FER: variants seen among roughly 807,000 people sequenced by gnomAD.
FER encodes the protein FER tyrosine kinase.
FER carries 63 observed loss-of-function variants against 111.0 expected under a neutral mutation model. The ratio of observed to expected loss-of-function variants is 0.57; its 90% CI spans 0.46 to 0.70. The LOEUF is 0.70. Among genes scored for constraint, FER ranks in the 30% least tolerant of loss-of-function variants. The pLI, the probability that FER is intolerant of heterozygous loss-of-function variation, is 0.00. For synonymous variants in FER, 327 were observed against 313.9 expected (o/e 1.04, Z -0.44); for missense variants, 914 against 954.0 (o/e 0.96, Z 0.55).
Position 108,769,208 on chromosome 5 carries a change from A to T in FER, c.-60+970A>T, listed in dbSNP as rs77065159. 2.8e-3 allele frequency among the ~76,000 whole-genome samples: 425 copies of T among 152,342 alleles called. 5 individuals are homozygous for T. Among genetic ancestry groups the T allele is most frequent in the Middle Eastern group, 0.024 (7 of 294 alleles). On this transcript the variant is annotated intron_variant, in intron 2 of 19. Coordinates refer to ENST00000281092, the MANE Select transcript of FER (RefSeq NM_005246.4). The stretch of plus-strand genomic sequence containing the variant: ...TGGAATCTACTTTAGATAGGGTCAT[A>T]TAAGGCTCCTCTGAGGGGCTGTAAT...
chr5:108,887,755 T>C (rs903597533), intron 9 of FER, among the ~76,000 whole-genome samples: 1 of 151,788 alleles, frequency 6.6e-6, no homozygotes, highest in East Asian at 1.9e-4. Context: ...CTAAAGTCTC[T>C]TTATTCAAAT....
At position 109,147,598 on chromosome 5, in the gene FER, G is replaced by A. The variant is rs1045184954; in HGVS notation, c.2049-33149G>A. Among the ~76,000 whole-genome samples the A allele has an allele frequency of 5.3e-5, 8 of 151,934 alleles. No homozygotes were observed. In the East Asian group the frequency reaches 1.5e-3, roughly 29 times the overall value. ...GTATGCCCATTTGTAGAATACAAAT[G>A]CTGCCATTATAAATCCTGTGCCATA... On this transcript the variant is annotated intron_variant, in intron 17 of 19. Transcript: ENST00000281092.
At chr5:108,827,619 T>G (rs1235539416) in intron 3 of FER, among the ~76,000 whole-genome samples, 1 of 152,116 alleles carries the variant, frequency 6.6e-6, no homozygotes, top group African/African-American at 2.4e-5. Flanking sequence ...TTATATTATT[T>G]GAATATAGTG....
chr5:109,002,051 G>A (rs186878164), intron 13 of FER, among the ~76,000 whole-genome samples: 16,957 of 150,904 alleles, frequency 0.11, 997 homozygotes, highest in Middle Eastern at 0.15. Flanking sequence ...TACTGCCCAA[G>A]GTAATTTATA....
chr5:108,884,484 T>G (rs1027641769), intron 9 of FER, among the ~76,000 whole-genome samples: 6 of 151,834 alleles, frequency 4.0e-5, no homozygotes, highest in African/African-American at 1.2e-4. Flanking sequence ...GGAACAGTTC[T>G]TTGTCCTAAG....
chr5:109,019,069 A>G (rs1169837258), intron 13 of FER, among the ~76,000 whole-genome samples: 1 of 151,424 alleles, frequency 6.6e-6, no homozygotes, highest in Admixed American at 6.6e-5. Context: ...GCACAAGTGT[A>G]ATATTTTTTT....
intron 2 of FER, among the ~76,000 whole-genome samples, chr5:108,785,769 G>T (rs1022857114): frequency 1.3e-5 from 2 of 152,204 alleles, no homozygotes; most frequent in African/African-American, 4.8e-5. Flanking sequence ...TGCATGGGCT[G>T]CCTTCTGCCC....
In FER at chr5:109,037,411, C is replaced by T. The variant is rs770210375; in HGVS notation, c.1657-11C>T. Reference sequence around the variant, plus strand: ...CTTGTACTAAACAACTGTTCTTATTCTTTGCTGTAGGACAAGAAATGGATT... The same window carrying T: ...CTTGTACTAAACAACTGTTCTTATTTTTTGCTGTAGGACAAGAAATGGATT... On this transcript the variant is annotated splice_polypyrimidine_tract_variant and intron_variant, in intron 13 of 19. Transcript: ENST00000281092. The T allele has an allele frequency of 9.9e-6, 16 of 1,609,554 alleles. No homozygotes were observed. The East Asian group carries it at 1.6e-4, about 16-fold the overall frequency.
At chr5:108,891,660 T>G (rs1004189206) in intron 9 of FER, 11 of 151,220 alleles carry the variant, frequency 7.3e-5, no homozygotes, top group African/African-American at 1.9e-4. Context: ...TTGTTTGTTT[T>G]TTTTTTCTTT....
intron 12 of FER, among the ~76,000 whole-genome samples, chr5:108,957,297 A>G (rs997885458): frequency 1.3e-5 from 2 of 151,654 alleles, no homozygotes; most frequent in Admixed American, 1.3e-4. Flanking sequence ...TACAAAGTAT[A>G]AATAGACATT....
At chr5:109,000,438 A>G (rs1764598075) in intron 13 of FER, among the ~76,000 whole-genome samples, 1 of 152,102 alleles carries the variant, frequency 6.6e-6, no homozygotes, top group Non-Finnish European at 1.5e-5. Context: ...ATCGCTAAAG[A>G]TGTTCTTTGA....
chr5:109,036,224 C>T (rs1041636434), intron 13 of FER, among the ~76,000 whole-genome samples: 67 of 151,842 alleles, frequency 4.4e-4, no homozygotes, highest in African/African-American at 1.6e-3. Flanking sequence ...CTTCACTTAC[C>T]CACTTGATCA....
chr5:108,924,727 T>G, intron 10 of FER: 1 of 1,232,108 alleles, frequency 8.1e-7, no homozygotes, highest in Non-Finnish European at 1.0e-6. Context: ...CTCCCAATCC[T>G]GTAAAACATG....
chr5:109,006,251 C>G (rs1765478443), intron 13 of FER, among the ~76,000 whole-genome samples: 1 of 152,142 alleles, frequency 6.6e-6, no homozygotes, highest in Non-Finnish European at 1.5e-5. Context: ...TTATATTGAG[C>G]TACTTGAATT....
At chr5:109,048,241 T>C (rs17534354) in intron 16 of FER, among the ~76,000 whole-genome samples, 17,284 of 152,214 alleles carry the variant, frequency 0.11, 1,099 homozygotes, top group Non-Finnish European at 0.15. Flanking sequence ...TTGCTTGCTA[T>C]TGAAATATTT....
In FER at chr5:109,187,632, TATTGTTCTC is replaced by T; in HGVS notation, c.*61_*69del. The T allele has an allele frequency of 6.3e-7, 1 of 1,585,440 alleles. No individual in the cohort carries two copies. The highest frequency in any genetic ancestry group is 1.8e-5 in the Admixed American group (1 of 56,626). ...ACTCTGTCCTCCAGCAGAGTAACAT[TATTGTTCTC>T]ATTAACAATGAATTTATACCACATT... On this transcript the variant is annotated 3_prime_UTR_variant, in exon 20 of 20. Transcript: ENST00000281092.
At chr5:108,776,189 A>C (rs577697516) in intron 2 of FER, among the ~76,000 whole-genome samples, 1 of 152,334 alleles carries the variant, frequency 6.6e-6, no homozygotes, top group Admixed American at 6.5e-5. Context: ...CTAGTTAATA[A>C]GAATATATGT....
At chr5:109,061,196 T>A (rs1774370385) in intron 16 of FER, among the ~76,000 whole-genome samples, 2 of 152,330 alleles carry the variant, frequency 1.3e-5, no homozygotes, top group South Asian at 4.1e-4. Context: ...AACCTTGAAT[T>A]GTTTCATTGT....
chr5:108,939,762 TTC>T (rs1236991214), intron 10 of FER, among the ~76,000 whole-genome samples: 1 of 151,990 alleles, frequency 6.6e-6, no homozygotes, highest in African/African-American at 2.4e-5. Flanking sequence ...TTCGTTTAGG[TTC>T]TTAGTTTCTG....
Sources: gnomAD v4.1 joint callset for allele counts (sites outside exome capture counted in the v4.1 genomes callset) on GRCh38, gnomAD v4.1.1 for gene constraint, MANE v1.5 for transcripts, NCBI Gene and HGNC (gene_info 2026-07-23, HGNC 2026-07-21) for gene names.